Variants in AXIN2 observed in about 807,000 individuals in gnomAD.
The protein encoded by AXIN2 is axin-2.
A neutral mutation model predicts 74.7 loss-of-function variants in AXIN2; 21 were observed. That is an observed-to-expected ratio of 0.28 (90% confidence interval 0.20 to 0.40). The LOEUF is 0.40. AXIN2 is among the 10% of genes least tolerant of loss of function. The pLI, the probability that AXIN2 is intolerant of heterozygous loss-of-function variation, is 1.00. For missense variants in AXIN2, 1,144 were observed against 1,111.1 expected, an observed-to-expected ratio of 1.03 and a Z score of -0.42; for synonymous variants, 532 against 454.9, an observed-to-expected ratio of 1.17 and a Z score of -2.16.
chr17:65,545,549 G>T (rs751646638), intron 3 of AXIN2, among the ~76,000 whole-genome samples: 1 of 152,104 alleles, frequency 6.6e-6, no homozygotes, highest in Admixed American at 6.6e-5. Flanking sequence ...TTAGCTGGGC[G>T]TGGTGGTGCA....
chr17:65,538,123 C>T (rs1308520858), intron 5 of AXIN2, 80 bp downstream of exon 5: 18 of 1,601,654 alleles, frequency 1.1e-5, no homozygotes, highest in Non-Finnish European at 1.5e-5. Flanking sequence ...CACACCCTAA[C>T]GCACCCCATG....
At chr17:65,533,619 G>A (rs1045994455) in intron 10 of AXIN2, among the ~76,000 whole-genome samples, 3 of 152,120 alleles carry the variant, frequency 2.0e-5, no homozygotes, top group Non-Finnish European at 2.9e-5. Context: ...CTCTCCTGTC[G>A]GTGCAAGCAG....
At position 65,544,753 on chromosome 17, in the gene AXIN2, T is replaced by C. The variant is rs560980537; in HGVS notation, c.957-3196A>G. 7.2e-5 allele frequency among the ~76,000 whole-genome samples: 11 copies of C among 152,254 alleles called. No homozygotes were observed. The South Asian group carries it at 2.3e-3, about 32-fold the overall frequency. Reference sequence around the variant, plus strand: ...CGGGCCCAGCTGTTTCTGGGGAGCATGGTTTTGAAGTGTGGACTCCACTTA... The same window carrying C: ...CGGGCCCAGCTGTTTCTGGGGAGCACGGTTTTGAAGTGTGGACTCCACTTA... On this transcript the variant is annotated intron_variant, in intron 3 of 10. Transcript: ENST00000307078.
intron 7 of AXIN2, 105 bp from the exon 8 acceptor site, chr17:65,536,658 A>T (rs1272273680): frequency 4.9e-6 from 7 of 1,432,824 alleles, no homozygotes; most frequent in African/African-American, 4.2e-5. Flanking sequence ...TCAGAGAGAG[A>T]GTTAAAAAAA....
In AXIN2 at chr17:65,557,836, C is replaced by T. The variant is rs878854734; in HGVS notation, c.785G>A (p.Arg262Lys). 6.2e-7 allele frequency: 1 copy of T among 1,614,202 alleles called. No individual in the cohort carries two copies. The highest frequency in any genetic ancestry group is 8.5e-7 in the Non-Finnish European group (1 of 1,180,040). Residue 262 changes from arginine to lysine, a missense_variant, in exon 2 of 11, where the codon AGG becomes AAG. Physicochemically the swap from Arg to Lys is conservative, Grantham distance 26. Around this residue, in one of 4 missense-constraint regions of AXIN2, gnomAD observed 1,053 missense variants for 973.5 expected, o/e 1.08. Transcript: ENST00000307078. ...TCCACTGTCAACAGTTTCCGTGGAC[C>T]TCACACTCGCCGTGGCCCTCAGAGT... The part of the protein sequence containing the change: ...SKTLRATASV[R>K]STETVDSGYR...
rs772461187 is a variant in AXIN2, at chr17:65,530,009, G to T, written c.2499C>A (p.Gly833=). 6.6e-5 allele frequency: 107 copies of T among 1,614,046 alleles called. No individual in the cohort carries two copies. The East Asian group carries it at 2.2e-3, about 33-fold the overall frequency. ...EDETVLPMYE[G]RILGKVERID ...TCCGCTCCACTTTGCCCAGAATCCG[G>T]CCTTCATACATCGGGAGCACCGTCT... The change falls in exon 11 of 11, where the codon GGC becomes GGA. Residue 833 remains glycine, a synonymous_variant. Coordinates refer to ENST00000307078, the MANE Select transcript of AXIN2 (RefSeq NM_004655.4).
chr17:65,555,393 T>C (rs937087477), intron 2 of AXIN2, among the ~76,000 whole-genome samples: 2 of 152,030 alleles, frequency 1.3e-5, no homozygotes, highest in Admixed American at 1.3e-4. Context: ...AAGAACTAGC[T>C]GGAAAAACAG....
intron 9 of AXIN2, 69 bp from the exon 10 acceptor site, chr17:65,534,148 C>T (rs534126635): frequency 3.3e-5 from 51 of 1,560,088 alleles, no homozygotes; most frequent in African/African-American, 1.5e-4. Context: ...CAAACACACA[C>T]GTGCGCACAT....
intron 3 of AXIN2, among the ~76,000 whole-genome samples, chr17:65,544,752 A>G (rs910354677): frequency 6.6e-6 from 1 of 152,172 alleles, no homozygotes; most frequent in Admixed American, 6.5e-5. Context: ...TCTGGGGAGC[A>G]TGGTTTTGAA....
chr17:65,538,932 C>CG (rs1379405754), intron 4 of AXIN2, among the ~76,000 whole-genome samples: 1 of 152,040 alleles, frequency 6.6e-6, no homozygotes, highest in Non-Finnish European at 1.5e-5. Context: ...ACACTGTCCT[C>CG]GATCTCCCTC....
At chr17:65,531,194 T>TAAAA (rs5821590) in intron 10 of AXIN2, among the ~76,000 whole-genome samples, 1 of 149,362 alleles carries the variant, frequency 6.7e-6, no homozygotes, top group African/African-American at 2.5e-5. Flanking sequence ...CTTTTCCCTT[T>TAAAA]AAAAAAAAAA....
chr17:65,531,285 T>C lies in AXIN2; in HGVS notation c.2406-1183A>G, dbSNP rs529140561. On this transcript the variant is annotated intron_variant, in intron 10 of 10. Transcript: ENST00000307078. The stretch of plus-strand genomic sequence containing the variant: ...CAAATACTTTCGTAGGAGATAAGGC[T>C]AAATACAGTGAACAGCTGGGTTTAG... 3.5e-4 allele frequency among the ~76,000 whole-genome samples: 53 copies of C among 152,278 alleles called. 3 individuals carry two copies. In the South Asian group the frequency reaches 7.5e-3, roughly 21 times the overall value.
Position 65,558,700 on chromosome 17 carries a change from T to C in AXIN2, c.-80A>G, listed in dbSNP as rs1342442194. 1 of 1,417,012 alleles carries C rather than the reference T, an allele frequency of 7.1e-7. No homozygotes were observed. Among genetic ancestry groups the C allele is most frequent in the African/African-American group, 1.4e-5 (1 of 70,688 alleles). 87.8% of individuals were successfully genotyped at this position (1,417,012 alleles called of 1,614,324 possible). On this transcript the variant is annotated 5_prime_UTR_variant, in exon 2 of 11. Transcript: ENST00000307078. ...CAGCAATCGGCGTGGTCTCTCTGTC[T>C]CTCTCAAGTCAGCAGGGGCTCATCT...
chr17:65,538,083 G>A (rs546731472), intron 5 of AXIN2, 120 bp downstream of exon 5: 143 of 1,547,988 alleles, frequency 9.2e-5, no homozygotes, highest in African/African-American at 4.2e-4. Flanking sequence ...CGCAGCCCAC[G>A]CGCATGCGCA....
At chr17:65,549,443 G>A (rs189698758) in intron 3 of AXIN2, 77 bp downstream of exon 3, 3 of 1,586,804 alleles carry the variant, frequency 1.9e-6, no homozygotes, top group Non-Finnish European at 2.6e-6. Context: ...AGCTGAGGAT[G>A]ACAGACGATT....
In AXIN2 at chr17:65,537,385, A is replaced by C; in HGVS notation, c.1651T>G (p.Cys551Gly). The change falls in exon 6 of 11, where the codon TGC becomes GGC. Residue 551 changes from cysteine (C) to glycine (G), a missense_variant. By Grantham distance (159) the Cys-to-Gly change is radical (BLOSUM62 -3). Coordinates refer to ENST00000307078, the MANE Select transcript of AXIN2 (RefSeq NM_004655.4). Reference protein sequence around the residue: ...CFCPGGSEYYCYSKCKSHSKA... With the variant: ...CFCPGGSEYYGYSKCKSHSKA... ...GAGTGGCTTTTGCATTTCGAGTAGC[A>C]GTAATACTCGCTGCCCCCAGGGCAG... is the stretch of plus-strand genomic sequence containing the variant. 6.2e-7 allele frequency: 1 copy of C among 1,614,080 alleles called. No homozygotes were observed. Among genetic ancestry groups the C allele is most frequent in the Non-Finnish European group, 8.5e-7 (1 of 1,180,028 alleles).
chr17:65,546,315 C>A (rs539516423), intron 3 of AXIN2, among the ~76,000 whole-genome samples: 6 of 152,326 alleles, frequency 3.9e-5, no homozygotes, highest in African/African-American at 1.4e-4. Context: ...TTATTTCTCG[C>A]CCGGCGCTCT....
chr17:65,533,835 A>AG (rs1175693891), intron 10 of AXIN2, 77 bp downstream of exon 10: 1 of 663,448 alleles, frequency 1.5e-6, no homozygotes, highest in Non-Finnish European at 2.5e-6. Context: ...CTGCTCAGCC[A>AG]GGGGAGCTGC....
At chr17:65,551,277 G>C (rs1300291800) in intron 2 of AXIN2, among the ~76,000 whole-genome samples, 1 of 140,478 alleles carries the variant, frequency 7.1e-6, no homozygotes, top group Non-Finnish European at 1.5e-5. Flanking sequence ...AGGAATTTGA[G>C]GAGATGACAA....
Sources: gnomAD v4.1 joint callset for allele counts (sites outside exome capture counted in the v4.1 genomes callset) on GRCh38, gnomAD v4.1.1 for gene constraint, gnomAD v4.1.1 regional missense constraint, MANE v1.5 for transcripts, NCBI Gene and HGNC (gene_info 2026-07-23, HGNC 2026-07-21) for gene names.